The following CSMD1 variants were observed in gnomAD, a reference collection of about 807,000 sequenced individuals.
CSMD1 encodes CUB and Sushi multiple domains 1.
Under a neutral mutation model 417.5 loss-of-function variants are expected in CSMD1, and 213 were observed. That is an observed-to-expected ratio of 0.51 (90% CI 0.46 to 0.57). The LOEUF is 0.57. Ranked by LOEUF, CSMD1 falls within the 20% of genes least tolerant of loss-of-function variation. CSMD1 has a pLI of 0.00. For synonymous variants in CSMD1, 2,862 were observed against 1,736.8 expected (o/e 1.65, Z -16.11); for missense variants, 6,923 against 4,529.7 (o/e 1.53, Z -15.17).
intron 1 of CSMD1, among the ~76,000 whole-genome samples, chr8:4,654,584 G>C (rs1804112069): frequency 6.6e-6 from 1 of 152,110 alleles, no homozygotes; most frequent in African/African-American, 2.4e-5. Context: ...GTCTAATCCA[G>C]AGTTTTATAT....
chr8:4,280,409 A>G (rs1406787190), intron 3 of CSMD1, among the ~76,000 whole-genome samples: 1 of 152,222 alleles, frequency 6.6e-6, no homozygotes, highest in Non-Finnish European at 1.5e-5. Flanking sequence ...GAATCTGACA[A>G]TTAAATTTTA....
chr8:4,546,469 AC>A (rs1442467824), intron 2 of CSMD1, among the ~76,000 whole-genome samples: 1 of 152,160 alleles, frequency 6.6e-6, no homozygotes, highest in Non-Finnish European at 1.5e-5. Flanking sequence ...GCACCGACCA[AC>A]CCATGGCAGG....
intron 5 of CSMD1, among the ~76,000 whole-genome samples, chr8:3,787,078 A>T (rs995786977): frequency 1.3e-5 from 2 of 152,170 alleles, no homozygotes; most frequent in African/African-American, 4.8e-5. Flanking sequence ...GAGTGTGTTT[A>T]CAGAGGGTTA....
intron 22 of CSMD1, among the ~76,000 whole-genome samples, chr8:3,345,938 G>A (rs958337245): frequency 2.0e-5 from 3 of 152,146 alleles, no homozygotes; most frequent in Non-Finnish European, 4.4e-5. Context: ...TCTCTTACAT[G>A]ATTTTTCCAC....
chr8:3,878,415 A>G (rs887483219), intron 5 of CSMD1, among the ~76,000 whole-genome samples: 9 of 152,212 alleles, frequency 5.9e-5, no homozygotes, highest in African/African-American at 1.9e-4. Context: ...CATTATAACA[A>G]TAATATCAAC....
chr8:3,050,704 A>G (rs997382053), intron 50 of CSMD1, among the ~76,000 whole-genome samples: 3 of 152,220 alleles, frequency 2.0e-5, no homozygotes, highest in African/African-American at 7.2e-5. Flanking sequence ...CTCTCAGGAA[A>G]TGCAATAAAA....
At chr8:3,108,301 C>G (rs147907358) in intron 44 of CSMD1, among the ~76,000 whole-genome samples, 123 of 152,288 alleles carry the variant, frequency 8.1e-4, no homozygotes, top group Non-Finnish European at 1.6e-3. Context: ...AACACCTTAT[C>G]TTGAGACAGG....
chr8:3,314,633 C>T (rs926577059), intron 23 of CSMD1, among the ~76,000 whole-genome samples: 5 of 152,222 alleles, frequency 3.3e-5, no homozygotes, highest in Non-Finnish European at 5.9e-5. Flanking sequence ...AGCCAAAATA[C>T]TACGAACAAA....
chr8:4,251,260 T>C (rs1299487351), intron 3 of CSMD1, among the ~76,000 whole-genome samples: 1 of 152,172 alleles, frequency 6.6e-6, no homozygotes, highest in Non-Finnish European at 1.5e-5. Flanking sequence ...CACATGGGTA[T>C]ATGGAAGGCT....
At chr8:4,901,584 C>T (rs1425705282) in intron 1 of CSMD1, among the ~76,000 whole-genome samples, 5 of 151,974 alleles carry the variant, frequency 3.3e-5, no homozygotes, top group Non-Finnish European at 5.9e-5. Flanking sequence ...TGTTTCTTTA[C>T]GTTTCCGGAC....
intron 5 of CSMD1, among the ~76,000 whole-genome samples, chr8:3,897,535 A>G (rs868733209): frequency 5.9e-5 from 9 of 152,162 alleles, no homozygotes; most frequent in Admixed American, 2.0e-4. Flanking sequence ...TGTGTACACT[A>G]TAAGTTATAT....
intron 18 of CSMD1, among the ~76,000 whole-genome samples, chr8:3,383,188 T>C (rs912332953): frequency 2.0e-5 from 3 of 152,226 alleles, no homozygotes; most frequent in Non-Finnish European, 2.9e-5. Context: ...TAACAAGTTA[T>C]AGATCATGGT....
At chr8:4,327,539 T>C (rs1799628844) in intron 3 of CSMD1, among the ~76,000 whole-genome samples, 1 of 152,126 alleles carries the variant, frequency 6.6e-6, no homozygotes, top group Admixed American at 6.5e-5. Context: ...CTGTTCCAGC[T>C]CCAATGTTGG....
At chr8:4,582,822 G>A (rs745499869) in intron 2 of CSMD1, among the ~76,000 whole-genome samples, 1 of 152,214 alleles carries the variant, frequency 6.6e-6, no homozygotes, top group Non-Finnish European at 1.5e-5. Context: ...GCGGGGAGGT[G>A]TGGAGGGAGA....
intron 5 of CSMD1, among the ~76,000 whole-genome samples, chr8:3,966,634 G>T (rs567990796): frequency 6.6e-6 from 1 of 151,866 alleles, no homozygotes; most frequent in Non-Finnish European, 1.5e-5. Context: ...CAATTAGCCT[G>T]CAAGGTCTTT....
At chr8:3,244,123 C>G (rs980823986) in intron 26 of CSMD1, among the ~76,000 whole-genome samples, 4 of 152,122 alleles carry the variant, frequency 2.6e-5, no homozygotes, top group Admixed American at 1.3e-4. Context: ...TTACATAGAC[C>G]CTCTGTCGTT....
chr8:3,155,258 A>C (rs1819443697), intron 39 of CSMD1, among the ~76,000 whole-genome samples: 1 of 151,838 alleles, frequency 6.6e-6, no homozygotes, highest in Non-Finnish European at 1.5e-5. Context: ...CTCTTCATTT[A>C]AAAATAAATA....
chr8:3,972,434 T>C (rs1329037579), intron 5 of CSMD1, among the ~76,000 whole-genome samples: 2 of 151,484 alleles, frequency 1.3e-5, no homozygotes, highest in East Asian at 1.9e-4. Context: ...AATGTAACTT[T>C]AGGTCTTTGT....
At chr8:3,267,755 C>G (rs763797500) in intron 26 of CSMD1, among the ~76,000 whole-genome samples, 2 of 152,126 alleles carry the variant, frequency 1.3e-5, no homozygotes, top group Non-Finnish European at 2.9e-5. Flanking sequence ...CTACATGCCT[C>G]CCACAGCAGC....
Sources: allele counts gnomAD v4.1 joint callset (sites outside exome capture counted in the v4.1 genomes callset), GRCh38; gene constraint gnomAD v4.1.1; transcripts MANE v1.5; gene names NCBI Gene and HGNC (gene_info 2026-07-23, HGNC 2026-07-21).